RILPL2: variants seen among roughly 807,000 people sequenced by gnomAD.
The protein encoded by RILPL2 is RILP-like protein 2.
In RILPL2, 19 loss-of-function variants were observed where a neutral mutation model predicts 22.2. The ratio of observed to expected loss-of-function variants is 0.86; its 90% CI spans 0.60 to 1.25. The LOEUF is 1.25. Ranked by LOEUF, RILPL2 falls within the 50% of genes most tolerant of loss-of-function variation. The pLI is 0.00. For missense variants in RILPL2, 243 were observed against 263.6 expected, an observed-to-expected ratio of 0.92 and a Z score of 0.54; for synonymous variants, 123 against 111.6, an observed-to-expected ratio of 1.10 and a Z score of -0.64.
intron 1 of RILPL2, among the ~76,000 whole-genome samples, chr12:123,432,947 G>A (rs1879692292): frequency 6.6e-6 from 1 of 151,948 alleles, no homozygotes; most frequent in Admixed American, 6.6e-5. Flanking sequence ...TAAATTACCA[G>A]GGGTCAGAGA....
At chr12:123,420,593 T>C (rs1593488633) in intron 3 of RILPL2, among the ~76,000 whole-genome samples, 1 of 151,646 alleles carries the variant, frequency 6.6e-6, no homozygotes, top group East Asian at 2.0e-4. Flanking sequence ...CCCGCCACCA[T>C]GCCCGGCTAA....
intron 3 of RILPL2, among the ~76,000 whole-genome samples, chr12:123,417,297 T>C (rs1237961666): frequency 2.2e-5 from 3 of 138,868 alleles, no homozygotes; most frequent in Non-Finnish European, 1.5e-5. Context: ...AGACCCCATC[T>C]CAAAAAAAAA....
chr12:123,421,750 C>T (rs1039761318), intron 3 of RILPL2, among the ~76,000 whole-genome samples: 1 of 150,780 alleles, frequency 6.6e-6, no homozygotes, highest in African/African-American at 2.4e-5. Flanking sequence ...TCACTGCAAC[C>T]TCCACCTCCC....
At chr12:123,418,013 G>A (rs1879167205) in intron 3 of RILPL2, among the ~76,000 whole-genome samples, 1 of 152,136 alleles carries the variant, frequency 6.6e-6, no homozygotes, top group Admixed American at 6.6e-5. Context: ...GTGTGACCAT[G>A]GCCTACTGTA....
At chr12:123,423,802 C>T (rs1213430380) in intron 2 of RILPL2, among the ~76,000 whole-genome samples, 15 of 151,988 alleles carry the variant, frequency 9.9e-5, no homozygotes, top group Admixed American at 2.6e-4. Flanking sequence ...TATAGGCGCC[C>T]GCCACCACAC....
chr12:123,423,011 G>T, intron 3 of RILPL2, 33 bp downstream of exon 3: 2 of 1,456,704 alleles, frequency 1.4e-6, no homozygotes, highest in Non-Finnish European at 9.6e-7. Context: ...GTTATTATTT[G>T]GCGGGACCGG....
In RILPL2 at chr12:123,423,170, AC is replaced by A. The variant is rs755037868; in HGVS notation, c.492-14del. The A allele has an allele frequency of 4.0e-6, 6 of 1,510,610 alleles. No homozygotes were observed. The African/African-American group carries it at 8.5e-5, about 21-fold the overall frequency. 93.6% of individuals were successfully genotyped at this position (1,510,610 alleles called of 1,614,324 possible). Reference sequence around the variant, plus strand: ...TGGAATCAGGCCACTGGGAAACGGGACAAAAAATAAATGGATTATTTTATTA... The same window carrying A: ...TGGAATCAGGCCACTGGGAAACGGGAAAAAAATAAATGGATTATTTTATTA... On this transcript the variant is annotated splice_polypyrimidine_tract_variant and intron_variant, in intron 2 of 3. Transcript: ENST00000280571.
Position 123,436,575 on chromosome 12 carries a change from C to G in RILPL2, c.-155G>C. On this transcript the variant is annotated 5_prime_UTR_variant, in exon 1 of 4. Coordinates refer to ENST00000280571, the MANE Select transcript of RILPL2 (RefSeq NM_145058.3). This position sits in a 1 kb window ranked among gnomAD's most constrained non-coding sequence, Gnocchi z 6.7. ...GGGCCCGGGGGGATGGTGCAAGGGG[C>G]CGCGCACGCGACTCTTGGGCCTGCG... is the stretch of plus-strand genomic sequence containing the variant. 1 of 1,243,636 alleles carries G rather than the reference C, an allele frequency of 8.0e-7. No homozygotes were observed. Among genetic ancestry groups the G allele is most frequent in the Non-Finnish European group, 1.1e-6 (1 of 925,776 alleles). 77.0% of individuals were successfully genotyped at this position (1,243,636 alleles called of 1,614,324 possible). A position where few individuals can be genotyped will look rare whatever the true frequency, so the allele number is the denominator to read the frequency against.
chr12:123,432,025 G>C (rs942875606), intron 1 of RILPL2, among the ~76,000 whole-genome samples: 1 of 151,648 alleles, frequency 6.6e-6, no homozygotes, highest in Non-Finnish European at 1.5e-5. Context: ...CTCCCTAGTA[G>C]CTGGGATTAC....
intron 2 of RILPL2, among the ~76,000 whole-genome samples, chr12:123,426,202 G>A (rs1879438031): frequency 6.6e-6 from 1 of 152,122 alleles, no homozygotes; most frequent in Non-Finnish European, 1.5e-5. Flanking sequence ...AGGCTGGAGT[G>A]CAGTGGCAAA....
At chr12:123,426,311 G>T (rs1334712439) in intron 2 of RILPL2, among the ~76,000 whole-genome samples, 1 of 151,850 alleles carries the variant, frequency 6.6e-6, no homozygotes, top group African/African-American at 2.4e-5. Context: ...ACCACACCCG[G>T]CTAATTTTTG....
At chr12:123,409,572 A>C in the RILPL2 span, among the ~76,000 whole-genome samples, 1 of 145,568 alleles carries the variant, frequency 6.9e-6, no homozygotes, top group African/African-American at 2.7e-5. Flanking sequence ...TTTTTGAGAC[A>C]GTCTCTGTTA....
intron 3 of RILPL2, among the ~76,000 whole-genome samples, chr12:123,417,458 T>G (rs1467516435): frequency 5.3e-5 from 8 of 152,118 alleles, no homozygotes. Flanking sequence ...CCAACGTACC[T>G]AGAATAAAAC....
At chr12:123,424,237 C>G (rs955083913) in intron 2 of RILPL2, among the ~76,000 whole-genome samples, 1 of 151,260 alleles carries the variant, frequency 6.6e-6, no homozygotes. Context: ...TATTCTCTCA[C>G]GTAATTTATA....
At chr12:123,412,768 A>G (rs1028831518), downstream of RILPL2, 8 of 152,174 alleles carry the variant, frequency 5.3e-5, no homozygotes, top group African/African-American at 1.9e-4. Context: ...ACAGTAAATT[A>G]TTACTATTAT....
chr12:123,424,493 G>C (rs1593490870), intron 2 of RILPL2, among the ~76,000 whole-genome samples: 1 of 151,980 alleles, frequency 6.6e-6, no homozygotes, highest in African/African-American at 2.4e-5. Context: ...CACCACGCCT[G>C]GCTAATTTTG....
chr12:123,431,963 C>G (rs943138618), intron 1 of RILPL2, among the ~76,000 whole-genome samples: 9 of 151,562 alleles, frequency 5.9e-5, no homozygotes, highest in African/African-American at 2.2e-4. Flanking sequence ...GGCATGATCT[C>G]AGCTCACTGC....
In RILPL2 at chr12:123,436,037, G is replaced by GC; in HGVS notation, c.339+44dup. On this transcript the variant is annotated intron_variant, in intron 1 of 3. Coordinates refer to ENST00000280571, the MANE Select transcript of RILPL2 (RefSeq NM_145058.3). This position sits in a 1 kb window ranked among gnomAD's most constrained non-coding sequence, Gnocchi z 6.7. ...TCCCTGCCAGTAGGTGCCCTCCTAC[G>GC]CCCCGCAGGCGCCGTGGGCCCGGAA... 1 of 1,540,146 alleles carries GC rather than the reference G, an allele frequency of 6.5e-7. No homozygotes were observed. Among genetic ancestry groups the GC allele is most frequent in the Non-Finnish European group, 8.8e-7 (1 of 1,139,948 alleles).
chr12:123,426,283 G>A (rs1879440199), intron 2 of RILPL2, among the ~76,000 whole-genome samples: 1 of 151,954 alleles, frequency 6.6e-6, no homozygotes, highest in African/African-American at 2.4e-5. Context: ...TCAGTAGCTG[G>A]GATTACAGGT....
Sources: allele counts gnomAD v4.1 joint callset (sites outside exome capture counted in the v4.1 genomes callset), GRCh38; gene constraint gnomAD v4.1.1; non-coding constraint Gnocchi (gnomAD v3.1); transcripts MANE v1.5; gene names NCBI Gene and HGNC (gene_info 2026-07-23, HGNC 2026-07-21).